Variants in CELF1 observed in about 807,000 individuals in gnomAD.
CELF1 encodes CUGBP Elav-like family member 1.
Under a neutral mutation model 61.8 loss-of-function variants are expected in CELF1, and 10 were observed. That is an observed-to-expected ratio of 0.16 (90% CI 0.10 to 0.27). CELF1 has a LOEUF of 0.27. Among genes scored for constraint, CELF1 ranks in the 10% least tolerant of loss-of-function variants. The pLI, the probability that CELF1 is intolerant of heterozygous loss-of-function variation, is 1.00. For synonymous variants in CELF1, 236 were observed against 225.1 expected (o/e 1.05, Z -0.43); for missense variants, 380 against 639.1 (o/e 0.59, Z 4.37).
At chr11:47,529,138 C>A (rs1255918222) in intron 1 of CELF1, among the ~76,000 whole-genome samples, 1 of 148,814 alleles carries the variant, frequency 6.7e-6, no homozygotes, top group Non-Finnish European at 1.5e-5. Flanking sequence ...AGCACAGTGG[C>A]GCAATCTCAG....
chr11:47,558,549 T>C (rs1311535723), intron 2 of CELF1, among the ~76,000 whole-genome samples: 3 of 114,572 alleles, frequency 2.6e-5, no homozygotes, highest in African/African-American at 1.1e-4. Flanking sequence ...ATATTTATAT[T>C]ATATATATTT....
At chr11:47,509,112 T>C (rs1280230327) in intron 1 of CELF1, among the ~76,000 whole-genome samples, 1 of 152,214 alleles carries the variant, frequency 6.6e-6, no homozygotes, top group African/African-American at 2.4e-5. Context: ...TTCCCAGTTT[T>C]GCTTTTCCTA....
At chr11:47,553,925 G>T (rs1414973275), upstream of CELF1, among the ~76,000 whole-genome samples, 1 of 151,756 alleles carries the variant, frequency 6.6e-6, no homozygotes, top group Non-Finnish European at 1.5e-5. Context: ...TGTTGTTGTT[G>T]TTGTTGTTTA....
At chr11:47,548,798 G>A (rs369370040) in intron 1 of CELF1, among the ~76,000 whole-genome samples, 4 of 149,846 alleles carry the variant, frequency 2.7e-5, no homozygotes, top group Non-Finnish European at 5.9e-5. Context: ...CCCAGTGGGC[G>A]GAAGTTGCAG....
upstream of CELF1, among the ~76,000 whole-genome samples, chr11:47,556,489 C>G (rs2097206267): frequency 6.6e-6 from 1 of 152,162 alleles, no homozygotes; most frequent in South Asian, 2.1e-4. Flanking sequence ...CTGACCATAA[C>G]ATTGTTTAAA....
At chr11:47,551,351 G>T (rs1305384676) in intron 1 of CELF1, among the ~76,000 whole-genome samples, 1 of 152,192 alleles carries the variant, frequency 6.6e-6, no homozygotes, top group Non-Finnish European at 1.5e-5. Context: ...CCTGGTTAAA[G>T]CAACAACTGA....
chr11:47,543,615 T>C (rs1268875993), intron 1 of CELF1, among the ~76,000 whole-genome samples: 1 of 152,192 alleles, frequency 6.6e-6, no homozygotes, highest in Non-Finnish European at 1.5e-5. Context: ...TCAAGGAAAC[T>C]GTCTTCAAGG....
At chr11:47,539,669 T>TA (rs2096725308) in intron 1 of CELF1, among the ~76,000 whole-genome samples, 1 of 152,090 alleles carries the variant, frequency 6.6e-6, no homozygotes, top group African/African-American at 2.4e-5. Context: ...ACAGAAAGCT[T>TA]ACATAAAAAC....
intron 1 of CELF1, among the ~76,000 whole-genome samples, chr11:47,541,765 AGAAC>A (rs1565904721): frequency 0.11 from 1,496 of 13,296 alleles, 337 homozygotes; most frequent in African/African-American, 0.21. Flanking sequence ...AACGAAAGAA[AGAAC>A]GAAAGAAAGA....
chr11:47,487,570 T>A (rs2088247688), intron 4 of CELF1, among the ~76,000 whole-genome samples: 1 of 152,116 alleles, frequency 6.6e-6, no homozygotes, highest in South Asian at 2.1e-4. Context: ...GAACACCAGG[T>A]GGTATATGAG....
chr11:47,509,075 A>G (rs1304721747), intron 1 of CELF1, among the ~76,000 whole-genome samples: 1 of 152,108 alleles, frequency 6.6e-6, no homozygotes, highest in Non-Finnish European at 1.5e-5. Context: ...CGGCCTCAAA[A>G]AAGTTATATT....
At chr11:47,554,273 GT>G (rs1454387387), upstream of CELF1, among the ~76,000 whole-genome samples, 5 of 152,110 alleles carry the variant, frequency 3.3e-5, no homozygotes, top group African/African-American at 7.2e-5. Context: ...GTACTGGGTA[GT>G]TTTATATACA....
intron 1 of CELF1, among the ~76,000 whole-genome samples, chr11:47,529,058 C>T (rs184505051): frequency 5.5e-4 from 84 of 151,944 alleles, no homozygotes; most frequent in African/African-American, 2.0e-3. Context: ...ATGTGTGCCA[C>T]CTCACCCAGT....
chr11:47,544,577 C>A (rs773334060), intron 1 of CELF1, among the ~76,000 whole-genome samples: 9 of 152,210 alleles, frequency 5.9e-5, no homozygotes, highest in Non-Finnish European at 1.2e-4. Flanking sequence ...AATCAACTCT[C>A]AATTACAGAA....
At chr11:47,503,890 C>T (rs1472297808) in intron 1 of CELF1, among the ~76,000 whole-genome samples, 1 of 152,144 alleles carries the variant, frequency 6.6e-6, no homozygotes, top group Non-Finnish European at 1.5e-5. Flanking sequence ...GAATAATTTA[C>T]GGGGCAAGAA....
intron 1 of CELF1, among the ~76,000 whole-genome samples, chr11:47,510,152 C>T (rs534120864): frequency 3.3e-5 from 5 of 152,006 alleles, no homozygotes; most frequent in African/African-American, 9.7e-5. Flanking sequence ...TATCTACCTG[C>T]GATAAATGTT....
intron 2 of CELF1, among the ~76,000 whole-genome samples, chr11:47,499,956 C>T (rs533415066): frequency 6.6e-6 from 1 of 152,208 alleles, no homozygotes; most frequent in Non-Finnish European, 1.5e-5. Flanking sequence ...AAGCCTGAAA[C>T]TACCTGAAGC....
chr11:47,516,737 A>ACTACAG (rs1353769466), intron 1 of CELF1, among the ~76,000 whole-genome samples: 1 of 151,894 alleles, frequency 6.6e-6, no homozygotes, highest in Non-Finnish European at 1.5e-5. Context: ...AGTAGCTGGG[A>ACTACAG]CTACAGGCCC....
intron 1 of CELF1, among the ~76,000 whole-genome samples, chr11:47,502,501 C>T (rs1016855743): frequency 7.9e-5 from 12 of 152,058 alleles, no homozygotes; most frequent in Middle Eastern, 3.4e-3. Context: ...AAAAACTGCC[C>T]GTGTGTGCGT....
Sources: allele counts gnomAD v4.1 joint callset (sites outside exome capture counted in the v4.1 genomes callset), GRCh38; gene constraint gnomAD v4.1.1; transcripts MANE v1.5; gene names NCBI Gene and HGNC (gene_info 2026-07-23, HGNC 2026-07-21).